Variants in ARMC3 observed in about 807,000 individuals in gnomAD.
The protein encoded by ARMC3 is armadillo repeat containing 3.
In ARMC3, 74 loss-of-function variants were observed where a neutral mutation model predicts 90.3. That is an observed-to-expected ratio of 0.82 (90% CI 0.68 to 0.99). The LOEUF (loss-of-function observed/expected upper bound fraction) is 0.99, where lower values mean the gene tolerates loss of function less well. Among genes scored for constraint, ARMC3 ranks in the 50% least tolerant of loss-of-function variants. ARMC3 has a pLI of 0.00. For synonymous variants in ARMC3, 334 were observed against 361.8 expected, an observed-to-expected ratio of 0.92 and a Z score of 0.87; for missense variants, 958 against 1,042.8, an observed-to-expected ratio of 0.92 and a Z score of 1.12.
chr10:22,949,402 G>A (rs1834654926), intron 3 of ARMC3, among the ~76,000 whole-genome samples: 3 of 152,290 alleles, frequency 2.0e-5, no homozygotes, highest in South Asian at 4.1e-4. Context: ...TTTAGAAAGT[G>A]AAAACATGGA....
intron 16 of ARMC3, among the ~76,000 whole-genome samples, chr10:23,018,514 A>ATTTTT (rs5783816): frequency 0.057 from 6,598 of 115,294 alleles, 439 homozygotes; most frequent in Non-Finnish European, 0.071. Flanking sequence ...CACCTTAGTA[A>ATTTTT]TTTTTTTTTT....
chr10:22,986,308 T>C (rs958449247), intron 10 of ARMC3, among the ~76,000 whole-genome samples: 5 of 151,470 alleles, frequency 3.3e-5, no homozygotes, highest in African/African-American at 1.2e-4. Flanking sequence ...TCCCAGCACT[T>C]TGGGAGGCCA....
rs9971158 is a variant in ARMC3 at position 22,997,912 on chromosome 10, C to T, written c.1176-236C>T. Among the ~76,000 whole-genome samples the T allele has an allele frequency of 2.5e-3, 374 of 152,016 alleles. 3 individuals are homozygous for T. The highest frequency in any genetic ancestry group is 8.7e-3 in the African/African-American group (360 of 41,452). ...TAAAAAGTAGTAATGATATATTTTTCTATAACCAAAAGCTGTACAAGTAGA... is the reference window on the plus strand; with the variant it reads ...TAAAAAGTAGTAATGATATATTTTTTTATAACCAAAAGCTGTACAAGTAGA... On this transcript the variant is annotated intron_variant, in intron 10 of 18. Coordinates refer to ENST00000298032, the MANE Select transcript of ARMC3 (RefSeq NM_173081.5).
At chr10:23,020,931 G>T (rs1260415994) in intron 16 of ARMC3, among the ~76,000 whole-genome samples, 1 of 152,136 alleles carries the variant, frequency 6.6e-6, no homozygotes, top group Non-Finnish European at 1.5e-5. Flanking sequence ...CCAACAGGTA[G>T]GTTTTCAACC....
At chr10:22,939,892 A>G (rs1834255731) in intron 2 of ARMC3, among the ~76,000 whole-genome samples, 1 of 152,212 alleles carries the variant, frequency 6.6e-6, no homozygotes. Flanking sequence ...AATGTGACAA[A>G]GTGAAAACAA....
intron 8 of ARMC3, among the ~76,000 whole-genome samples, chr10:22,972,438 A>C (rs1835719513): frequency 6.6e-6 from 1 of 152,124 alleles, no homozygotes; most frequent in Admixed American, 6.5e-5. Context: ...GAAATTGGTT[A>C]TTTGTAATAG....
intron 7 of ARMC3, among the ~76,000 whole-genome samples, chr10:22,962,420 A>G (rs1835238265): frequency 6.6e-6 from 1 of 152,206 alleles, no homozygotes; most frequent in African/African-American, 2.4e-5. Flanking sequence ...TTTTAATAAT[A>G]TTGGAGCTAA....
At chr10:22,970,430 A>G (rs1158862530) in intron 8 of ARMC3, among the ~76,000 whole-genome samples, 2 of 152,248 alleles carry the variant, frequency 1.3e-5, no homozygotes, top group East Asian at 3.8e-4. Flanking sequence ...CATGGACATT[A>G]TAAGCCCAGT....
chr10:23,036,098 T>G (rs1482805700), intron 18 of ARMC3, among the ~76,000 whole-genome samples: 1 of 152,230 alleles, frequency 6.6e-6, no homozygotes, highest in Non-Finnish European at 1.5e-5. Context: ...ATAGCATCTA[T>G]TCCACAGGGT....
intron 15 of ARMC3, among the ~76,000 whole-genome samples, 198 bp downstream of exon 15, chr10:23,008,572 G>A (rs1472069222): frequency 1.3e-5 from 2 of 152,082 alleles, no homozygotes; most frequent in Non-Finnish European, 2.9e-5. Flanking sequence ...CTTCTATTTC[G>A]CCCTGTGGAC....
chr10:22,937,452 GA>G (rs1281468453), intron 2 of ARMC3, among the ~76,000 whole-genome samples: 2 of 152,088 alleles, frequency 1.3e-5, no homozygotes, highest in African/African-American at 2.4e-5. Flanking sequence ...AGAGGGAAGG[GA>G]AATCTGTTTT....
At chr10:22,964,205 CT>C (rs566250063) in intron 7 of ARMC3, among the ~76,000 whole-genome samples, 2 of 151,968 alleles carry the variant, frequency 1.3e-5, no homozygotes, top group African/African-American at 2.4e-5. Context: ...ATTTACCAAA[CT>C]TTTTGCAAAA....
chr10:22,973,030 A>C (rs1216797794), intron 8 of ARMC3, among the ~76,000 whole-genome samples: 1 of 152,104 alleles, frequency 6.6e-6, no homozygotes, highest in African/African-American at 2.4e-5. Context: ...ACAGTGGCTC[A>C]CACCTGTAAT....
At chr10:22,955,688 A>G (rs758693470) in intron 3 of ARMC3, 119 bp from the exon 4 acceptor site, 24 of 1,247,988 alleles carry the variant, frequency 1.9e-5, no homozygotes, top group Non-Finnish European at 2.5e-5. Context: ...GGAAATACGA[A>G]CGGAAGCCAA....
intron 6 of ARMC3, chr10:22,961,589 C>A: frequency 3.7e-6 from 1 of 271,924 alleles, no homozygotes; most frequent in Non-Finnish European, 6.9e-6. Flanking sequence ...TTTCATTATG[C>A]ATAGATTTTA....
Position 22,957,372 on chromosome 10 carries a change from C to G in ARMC3, c.292+1440C>G, listed in dbSNP as rs7906246. 1.6e-3 allele frequency among the ~76,000 whole-genome samples: 241 copies of G among 152,222 alleles called. 4 individuals are homozygous for G. Among genetic ancestry groups the G allele is most frequent in the Non-Finnish European group, 1.7e-3 (114 of 68,022 alleles). On this transcript the variant is annotated intron_variant, in intron 4 of 18. Transcript: ENST00000298032. ...GCCTCAGCTACAGAGACTGCACTTGCGGGCAGCTGCAGTGCTGGAAGCAGA... is the reference window on the plus strand; with the variant it reads ...GCCTCAGCTACAGAGACTGCACTTGGGGGCAGCTGCAGTGCTGGAAGCAGA...
intron 4 of ARMC3, 27 bp from the exon 5 acceptor site, chr10:22,959,043 A>G: frequency 6.5e-7 from 1 of 1,536,428 alleles, no homozygotes; most frequent in Non-Finnish European, 9.0e-7. Context: ...ATTAATAAAC[A>G]TCAATACTCT....
intron 13 of ARMC3, 121 bp downstream of exon 13, chr10:23,003,535 C>G (rs1837424048): frequency 1.1e-6 from 1 of 905,814 alleles, no homozygotes; most frequent in East Asian, 2.8e-5. Context: ...CAGGCAGAAA[C>G]TTGAAAATCA....
rs544813556 is a variant in ARMC3 at position 23,003,723 on chromosome 10, G to A, written c.1731+309G>A. 3.9e-5 allele frequency among the ~76,000 whole-genome samples: 6 copies of A among 152,252 alleles called. No individual in the cohort carries two copies. In the East Asian group the frequency reaches 1.2e-3, roughly 29 times the overall value. Reference sequence around the variant, plus strand: ...ATCTGTAGTCCCAGCTATTCAGGAGGCTGAAGCAGGAGGATTGCTTGAGAC... The same window carrying A: ...ATCTGTAGTCCCAGCTATTCAGGAGACTGAAGCAGGAGGATTGCTTGAGAC... On this transcript the variant is annotated intron_variant, in intron 13 of 18. Coordinates refer to ENST00000298032, the MANE Select transcript of ARMC3 (RefSeq NM_173081.5).
Sources: gnomAD v4.1 joint callset for allele counts (sites outside exome capture counted in the v4.1 genomes callset) on GRCh38, gnomAD v4.1.1 for gene constraint, MANE v1.5 for transcripts, NCBI Gene and HGNC (gene_info 2026-07-23, HGNC 2026-07-21) for gene names.